ITGBL1: variants seen among roughly 807,000 people sequenced by gnomAD.
ITGBL1 encodes integrin subunit beta like 1.
A neutral mutation model predicts 68.5 loss-of-function variants in ITGBL1; 51 were observed. The observed-to-expected ratio is 0.74, with a 90% CI of 0.59 to 0.94. ITGBL1 has a LOEUF of 0.94. ITGBL1 is among the 40% of genes least tolerant of loss of function. The pLI, the probability that ITGBL1 is intolerant of heterozygous loss-of-function variation, is 0.00. For missense variants in ITGBL1, 649 were observed against 647.4 expected (o/e 1.00, Z -0.03); for synonymous variants, 209 against 227.3 (o/e 0.92, Z 0.72).
intron 2 of ITGBL1, among the ~76,000 whole-genome samples, chr13:101,506,377 TG>T (rs2049027342): frequency 6.6e-6 from 1 of 152,218 alleles, no homozygotes; most frequent in Non-Finnish European, 1.5e-5. Context: ...TTGTTTATTC[TG>T]GGATAACTTT....
intron 2 of ITGBL1, among the ~76,000 whole-genome samples, chr13:101,484,835 A>C (rs1383466999): frequency 6.6e-6 from 1 of 152,158 alleles, no homozygotes; most frequent in African/African-American, 2.4e-5. Flanking sequence ...AAAATATTTC[A>C]AATTTGATGA....
At chr13:101,489,902 T>A in intron 2 of ITGBL1, 1 of 1,132,108 alleles carries the variant, frequency 8.8e-7, no homozygotes. Context: ...AAGGTTAGTG[T>A]GACGGTTGCT....
chr13:101,520,065 G>C (rs1033612474), intron 2 of ITGBL1, among the ~76,000 whole-genome samples: 3 of 152,114 alleles, frequency 2.0e-5, no homozygotes, highest in African/African-American at 7.2e-5. Context: ...TGTGTTACTA[G>C]TAATAAAACG....
chr13:101,483,583 T>A (rs1360884175), intron 2 of ITGBL1, among the ~76,000 whole-genome samples: 1 of 152,206 alleles, frequency 6.6e-6, no homozygotes, highest in Non-Finnish European at 1.5e-5. Context: ...TCCTATTACC[T>A]AGAGGGCAAT....
chr13:101,547,495 A>G (rs1047265927), intron 2 of ITGBL1, among the ~76,000 whole-genome samples: 1 of 151,876 alleles, frequency 6.6e-6, no homozygotes. Context: ...GTATACAAAA[A>G]GAGTGTTGCA....
chr13:101,480,860 TCAAA>T, intron 2 of ITGBL1, among the ~76,000 whole-genome samples: 1 of 152,000 alleles, frequency 6.6e-6, no homozygotes, highest in South Asian at 2.1e-4. Context: ...TGCATTGTAG[TCAAA>T]CAAGCAAAAT....
intron 3 of ITGBL1, 63 bp downstream of exon 3, chr13:101,567,908 T>C: frequency 1.5e-6 from 2 of 1,329,336 alleles, no homozygotes; most frequent in Non-Finnish European, 2.1e-6. Flanking sequence ...TTAATGGAAA[T>C]ATGTGGGCGT....
At chr13:101,512,054 C>T (rs903295369) in intron 2 of ITGBL1, among the ~76,000 whole-genome samples, 1 of 152,132 alleles carries the variant, frequency 6.6e-6, no homozygotes, top group Admixed American at 6.6e-5. Context: ...ACCCCTCTGA[C>T]AAATAGTAGC....
intron 7 of ITGBL1, among the ~76,000 whole-genome samples, chr13:101,634,887 T>G (rs2032113373): frequency 6.6e-6 from 1 of 151,970 alleles, no homozygotes; most frequent in Admixed American, 6.6e-5. Context: ...CAATGTTTTA[T>G]CTAAGACCCG....
At chr13:101,688,398 C>A (rs1343189792) in intron 7 of ITGBL1, among the ~76,000 whole-genome samples, 1 of 151,972 alleles carries the variant, frequency 6.6e-6, no homozygotes, top group Non-Finnish European at 1.5e-5. Flanking sequence ...CTATAGAACA[C>A]CGAGTAGGAC....
intron 7 of ITGBL1, among the ~76,000 whole-genome samples, chr13:101,617,378 C>T (rs1343674655): frequency 6.6e-6 from 1 of 151,724 alleles, no homozygotes; most frequent in African/African-American, 2.4e-5. Context: ...AAAAGAATTC[C>T]TCTCCTGTTT....
intron 2 of ITGBL1, among the ~76,000 whole-genome samples, chr13:101,468,825 A>G (rs993651249): frequency 6.6e-6 from 1 of 152,222 alleles, no homozygotes; most frequent in Non-Finnish European, 1.5e-5. Flanking sequence ...TCGTACTGAT[A>G]ATGAGCATTT....
chr13:101,517,771 A>C (rs2049219217), intron 2 of ITGBL1, among the ~76,000 whole-genome samples: 1 of 152,190 alleles, frequency 6.6e-6, no homozygotes, highest in Admixed American at 6.5e-5. Context: ...CCTTTCCATG[A>C]GAATGCAAGT....
chr13:101,604,944 ATGT>A (rs2030641174), intron 7 of ITGBL1, among the ~76,000 whole-genome samples: 1 of 4,766 alleles, frequency 2.1e-4, no homozygotes, highest in Admixed American at 3.8e-3. Context: ...GCATGTATAT[ATGT>A]GTACATGTGT....
intron 4 of ITGBL1, among the ~76,000 whole-genome samples, chr13:101,578,183 C>G (rs959936607): frequency 6.6e-6 from 1 of 152,124 alleles, no homozygotes; most frequent in South Asian, 2.1e-4. Flanking sequence ...GTGAGTTTTA[C>G]AGGTCCTATT....
chr13:101,634,942 G>A (rs1461383962), intron 7 of ITGBL1, among the ~76,000 whole-genome samples: 1 of 84,230 alleles, frequency 1.2e-5, no homozygotes, highest in Non-Finnish European at 2.0e-5. Flanking sequence ...TAAGCAAAAG[G>A]TGTGTGTGTG....
At chr13:101,625,616 G>A (rs750144297) in intron 7 of ITGBL1, among the ~76,000 whole-genome samples, 1 of 151,606 alleles carries the variant, frequency 6.6e-6, no homozygotes. Flanking sequence ...ACAATTGCAC[G>A]ATCTAGGCTC....
intron 2 of ITGBL1, among the ~76,000 whole-genome samples, chr13:101,461,542 T>A (rs1195072693): frequency 3.3e-5 from 5 of 151,974 alleles, no homozygotes; most frequent in African/African-American, 7.3e-5. Context: ...AAAAATTTTT[T>A]AAAAATTGCC....
chr13:101,683,429 A>G (rs1465332926), intron 7 of ITGBL1, among the ~76,000 whole-genome samples: 2 of 152,018 alleles, frequency 1.3e-5, no homozygotes, highest in African/African-American at 4.8e-5. Flanking sequence ...TTTAATTGCT[A>G]TAGTGTTTCA....
Sources: allele counts gnomAD v4.1 joint callset (sites outside exome capture counted in the v4.1 genomes callset), GRCh38; gene constraint gnomAD v4.1.1; transcripts MANE v1.5; gene names NCBI Gene and HGNC (gene_info 2026-07-23, HGNC 2026-07-21).